GDA: variants seen among roughly 807,000 people sequenced by gnomAD.
The protein encoded by GDA is guanine deaminase.
A neutral mutation model predicts 59.6 loss-of-function variants in GDA; 18 were observed. The observed-to-expected ratio is 0.30, with a 90% CI of 0.21 to 0.45. The LOEUF (loss-of-function observed/expected upper bound fraction) is 0.45. Among genes scored for constraint, GDA ranks in the 20% least tolerant of loss-of-function variants. GDA has a pLI of 1.00. For missense variants in GDA, 427 were observed against 552.3 expected (o/e 0.77, Z 2.27); for synonymous variants, 201 against 201.1 (o/e 1.00, Z 0.00).
chr9:72,214,081 T>C (rs1055123824), intron 5 of GDA, 90 bp downstream of exon 5: 2 of 758,682 alleles, frequency 2.6e-6, no homozygotes, highest in Admixed American at 2.1e-5. Context: ...AACAGGATAC[T>C]GTTATCACCC....
intron 1 of GDA, among the ~76,000 whole-genome samples, chr9:72,116,700 T>A (rs1825463205): frequency 6.6e-6 from 1 of 152,108 alleles, no homozygotes; most frequent in African/African-American, 2.4e-5. Flanking sequence ...AGGTTTTCTA[T>A]CCTCAATGAT....
At chr9:72,230,014 A>AT in intron 9 of GDA, among the ~76,000 whole-genome samples, 1 of 152,160 alleles carries the variant, frequency 6.6e-6, no homozygotes, top group Non-Finnish European at 1.5e-5. Flanking sequence ...TTGAAGTTAA[A>AT]TTTCTTTAGG....
upstream of GDA, chr9:72,149,287 C>G: frequency 2.1e-6 from 1 of 483,812 alleles, no homozygotes; most frequent in Non-Finnish European, 3.7e-6. Context: ...TTAACACAAC[C>G]AAAACTAACG....
chr9:72,162,985 A>G lies in GDA; in HGVS notation c.123+13303A>G, dbSNP rs561376763. ...GGTCAGATTTACTTCTAAAGAATAT[A>G]TTAAAAATAATTTCAGAGTAAGGAG... On this transcript the variant is annotated intron_variant, in intron 1 of 13. Transcript: ENST00000358399. Among the ~76,000 whole-genome samples the G allele has an allele frequency of 6.6e-5, 10 of 152,326 alleles. No individual in the cohort carries two copies. The South Asian group carries it at 2.1e-3, about 32-fold the overall frequency.
chr9:72,221,242 T>C (rs1320282625), intron 6 of GDA, among the ~76,000 whole-genome samples: 2 of 152,166 alleles, frequency 1.3e-5, no homozygotes, highest in African/African-American at 4.8e-5. Context: ...ACCTCACTTT[T>C]AGTCTCCCCA....
chr9:72,155,633 G>T (rs1564170709), intron 1 of GDA, among the ~76,000 whole-genome samples: 1 of 152,174 alleles, frequency 6.6e-6, no homozygotes, highest in Non-Finnish European at 1.5e-5. Context: ...AGGGCATCGG[G>T]GATGGTGGGA....
chr9:72,215,790 C>T (rs1836032016), intron 5 of GDA, among the ~76,000 whole-genome samples: 1 of 152,144 alleles, frequency 6.6e-6, no homozygotes, highest in South Asian at 2.1e-4. Flanking sequence ...ATTTCCACCT[C>T]AAAGAATAGG....
intron 1 of GDA, among the ~76,000 whole-genome samples, chr9:72,128,068 ATTTTGTTGT>A (rs1825905046): frequency 6.6e-6 from 1 of 152,082 alleles, no homozygotes; most frequent in Admixed American, 6.6e-5. Context: ...TGTTTACTGG[ATTTTGTTGT>A]TAGTTATCCA....
chr9:72,216,736 C>T (rs1836180918), intron 5 of GDA, among the ~76,000 whole-genome samples: 1 of 151,468 alleles, frequency 6.6e-6, no homozygotes, highest in Non-Finnish European at 1.5e-5. Context: ...AGTGCAGTGG[C>T]ACATTCTTGG....
chr9:72,162,889 C>A (rs1007011502), intron 1 of GDA, among the ~76,000 whole-genome samples: 2 of 152,142 alleles, frequency 1.3e-5, no homozygotes, highest in Admixed American at 1.3e-4. Context: ...GATCTCCTGA[C>A]CTCGTGATCC....
chr9:72,218,182 G>A (rs1426449133), intron 5 of GDA, among the ~76,000 whole-genome samples: 3 of 152,192 alleles, frequency 2.0e-5, no homozygotes, highest in Admixed American at 6.5e-5. Context: ...CCAAAGTGCT[G>A]AGATTACAGG....
chr9:72,198,949 T>G (rs1193485150), intron 2 of GDA, among the ~76,000 whole-genome samples: 2 of 150,852 alleles, frequency 1.3e-5, no homozygotes, highest in African/African-American at 4.9e-5. Context: ...CTGAGGAAAT[T>G]ATGATGCTGA....
At chr9:72,217,018 G>A (rs1357059779) in intron 5 of GDA, among the ~76,000 whole-genome samples, 4 of 152,002 alleles carry the variant, frequency 2.6e-5, no homozygotes, top group Non-Finnish European at 5.9e-5. Flanking sequence ...ATCTAACTGG[G>A]GTGATGAGAA....
Position 72,250,592 on chromosome 9 carries a change from T to G in GDA, c.*2250T>G, listed in dbSNP as rs1392657654. ...CCTGAATGTTATGTATGCTTTTTTT[T>G]CTGTACCACAGGCATTATCTATACC... On this transcript the variant is annotated 3_prime_UTR_variant, in exon 14 of 14. Transcript: ENST00000358399. 6 of 1,505,300 alleles carry G rather than the reference T, an allele frequency of 4.0e-6. No individual in the cohort carries two copies. Among genetic ancestry groups the G allele is most frequent in the South Asian group, 2.6e-5 (2 of 78,326 alleles). The allele number at this position is 1,505,300 out of a possible 1,614,324, so 93.2% of individuals were successfully genotyped here.
chr9:72,128,850 C>T (rs907943729), intron 1 of GDA, among the ~76,000 whole-genome samples: 1 of 151,522 alleles, frequency 6.6e-6, no homozygotes, highest in Non-Finnish European at 1.5e-5. Context: ...CAAAAATATA[C>T]AAATACACTT....
At chr9:72,140,104 G>A (rs1303073803) in intron 1 of GDA, among the ~76,000 whole-genome samples, 1 of 152,132 alleles carries the variant, frequency 6.6e-6, no homozygotes, top group African/African-American at 2.4e-5. Context: ...AACAGATGGG[G>A]CATGAGACCC....
chr9:72,124,899 C>G (rs918277183), intron 1 of GDA, among the ~76,000 whole-genome samples: 2 of 151,942 alleles, frequency 1.3e-5, no homozygotes, highest in African/African-American at 4.8e-5. Flanking sequence ...TGAGCCATCG[C>G]GCCTGGCCCT....
chr9:72,216,400 T>G (rs1205537687), intron 5 of GDA, among the ~76,000 whole-genome samples: 1 of 152,198 alleles, frequency 6.6e-6, no homozygotes, highest in Non-Finnish European at 1.5e-5. Context: ...TATGAGAACT[T>G]GTCCTGCACC....
rs1365638008 is a variant in GDA, at chr9:72,225,745, C to T, written c.783C>T (p.Tyr261=). The T allele has an allele frequency of 1.1e-5, 17 of 1,524,464 alleles. No homozygotes were observed. The highest frequency in any genetic ancestry group is 1.5e-5 in the Non-Finnish European group (17 of 1,103,674). The allele number at this position is 1,524,464 out of a possible 1,614,324, so 94.4% of individuals were successfully genotyped here. The change falls in exon 8 of 14, where the codon TAC becomes TAT. Residue 261 remains tyrosine (Y), a synonymous_variant. Coordinates refer to ENST00000358399, the MANE Select transcript of GDA (RefSeq NM_004293.5). Reference sequence around the variant, plus strand: ...ACTTATACCCCAGTTATAAAAACTACACATCTGTGTATGATAAAAACAATC... The same window carrying T: ...ACTTATACCCCAGTTATAAAAACTATACATCTGTGTATGATAAAAACAATC... ...VKNLYPSYKN[Y]TSVYDKNNLL...
Sources: allele counts gnomAD v4.1 joint callset (sites outside exome capture counted in the v4.1 genomes callset), GRCh38; gene constraint gnomAD v4.1.1; transcripts MANE v1.5; gene names NCBI Gene and HGNC (gene_info 2026-07-23, HGNC 2026-07-21).